Variants in CTSB observed in about 807,000 individuals in gnomAD.
CTSB encodes the protein cathepsin B.
CTSB carries 57 observed loss-of-function variants against 44.3 expected under a neutral mutation model. The ratio of observed to expected loss-of-function variants is 1.29; its 90% confidence interval spans 1.04 to 1.60. The LOEUF is 1.60. Among genes scored for constraint, CTSB ranks in the 40% most tolerant of loss-of-function variants. CTSB has a pLI of 0.00. For synonymous variants in CTSB, 320 were observed against 168.0 expected (o/e 1.91, Z -7.00); for missense variants, 768 against 443.0 (o/e 1.73, Z -6.59).
At chr8:11,846,352 T>C (rs1813338183) in intron 8 of CTSB, 1 of 152,396 alleles carries the variant, frequency 6.6e-6, no homozygotes, top group Non-Finnish European at 1.5e-5. Context: ...GCGAGGACTA[T>C]GCTAAGAAGT....
chr8:11,852,450 A>G (rs1563406170), intron 3 of CTSB, among the ~76,000 whole-genome samples, 160 bp downstream of exon 3: 1 of 152,202 alleles, frequency 6.6e-6, no homozygotes, highest in Non-Finnish European at 1.5e-5. Context: ...AAGTAATATA[A>G]AAATGAAAAG....
At chr8:11,846,430 T>G (rs537292070) in intron 8 of CTSB, 3 of 152,486 alleles carry the variant, frequency 2.0e-5, no homozygotes, top group African/African-American at 4.8e-5. Context: ...TTTACAAGTT[T>G]CCAATCTAGC....
chr8:11,848,601 G>A (rs570260775), intron 5 of CTSB: 21 of 327,458 alleles, frequency 6.4e-5, no homozygotes, highest in Non-Finnish European at 9.0e-5. Context: ...ATCTGCAGCC[G>A]CCAGTGAACA....
In CTSB at chr8:11,850,789, C is replaced by A. The variant is rs1563400767; in HGVS notation, c.327+77G>T. 8 of 1,025,458 alleles carry A rather than the reference C, an allele frequency of 7.8e-6. 1 individual carries two copies. The highest frequency in any genetic ancestry group is 2.9e-6 in the Non-Finnish European group (2 of 686,712). 63.5% of individuals were successfully genotyped at this position (1,025,458 alleles called of 1,614,324 possible). A position where few individuals can be genotyped will look rare whatever the true frequency, so the allele number is the denominator to read the frequency against. ...ACTTGCCTTGTCAGAGTTGTCCCCA[C>A]CCCGAATCCCCCAAGACTCTCCAGT... On this transcript the variant is annotated intron_variant, in intron 4 of 9. Coordinates refer to ENST00000353047, the MANE Select transcript of CTSB (RefSeq NM_001908.5).
chr8:11,850,917 C>G lies in CTSB; in HGVS notation c.276G>C (p.Gln92His), dbSNP rs143892476. 10 of 1,613,640 alleles carry G rather than the reference C, an allele frequency of 6.2e-6. No individual in the cohort carries two copies. Among genetic ancestry groups the G allele is most frequent in the Non-Finnish European group, 8.5e-6 (10 of 1,179,672 alleles). Residue 92 changes from glutamine to histidine, a missense_variant, in exon 4 of 10, where the codon CAG (glutamine) becomes CAC (histidine). Physicochemically the swap from Gln to His is conservative, Grantham distance 24. Transcript: ENST00000353047. ...ASFDAREQWPQCPTIKEIRDQ... is the reference protein window; with the variant it reads ...ASFDAREQWPHCPTIKEIRDQ... Reference sequence around the variant, plus strand: ...CTCTGATCTCTTTGATGGTGGGACACTGTGGCCATTGTTCCCGTGCATCGA... The same window carrying G: ...CTCTGATCTCTTTGATGGTGGGACAGTGTGGCCATTGTTCCCGTGCATCGA...
intron 4 of CTSB, 148 bp from the exon 5 acceptor site, chr8:11,849,312 C>A: frequency 1.8e-6 from 1 of 553,310 alleles, no homozygotes; most frequent in Non-Finnish European, 3.3e-6. Context: ...TCAAACTCAG[C>A]TTTTATTTTC....
intron 8 of CTSB, among the ~76,000 whole-genome samples, chr8:11,846,603 G>A (rs548601218): frequency 6.6e-6 from 1 of 152,192 alleles, no homozygotes; most frequent in African/African-American, 2.4e-5. Flanking sequence ...ACTGGTGTGA[G>A]GCACGATCTA....
intron 1 of CTSB, among the ~76,000 whole-genome samples, chr8:11,855,784 G>A (rs539661375): frequency 2.0e-4 from 30 of 152,256 alleles, no homozygotes; most frequent in Admixed American, 4.6e-4. Context: ...TTGGGAGGCT[G>A]AGGCAGGTGG....
At chr8:11,853,221 G>A (rs1814918213) in intron 2 of CTSB, 108 bp downstream of exon 2, 1 of 1,483,924 alleles carries the variant, frequency 6.7e-7, no homozygotes, top group Non-Finnish European at 9.2e-7. Context: ...CAACAGTCCA[G>A]GACAATGTTC....
chr8:11,861,821 C>G (rs923714738), intron 1 of CTSB, among the ~76,000 whole-genome samples: 4 of 152,190 alleles, frequency 2.6e-5, no homozygotes, highest in African/African-American at 2.4e-5. Context: ...TGTTCTGCCT[C>G]TCCAGCTTGC....
chr8:11,845,199 G>C lies in CTSB; in HGVS notation c.946C>G (p.Gln316Glu). Residue 316 changes from glutamine (Q) to glutamate (E), a missense_variant, in exon 10 of 10, where the codon CAG becomes GAG. Gln to Glu is a conservative substitution (Grantham distance 29, BLOSUM62 2). Coordinates refer to ENST00000353047, the MANE Select transcript of CTSB (RefSeq NM_001908.5). The part of the protein sequence containing the change: ...DNGFFKILRG[Q>E]DHCGIESEVV... ...TCTGATTCGATTCCACAGTGATCCT[G>C]TCCTCTGAGTATTTTAAAGAAGCCT... is the stretch of plus-strand genomic sequence containing the variant. 1 of 1,613,544 alleles carries C rather than the reference G, an allele frequency of 6.2e-7. No homozygotes were observed. Among genetic ancestry groups the C allele is most frequent in the Non-Finnish European group, 8.5e-7 (1 of 1,179,474 alleles).
chr8:11,849,738 G>A (rs1814203589), intron 4 of CTSB, among the ~76,000 whole-genome samples: 4 of 151,978 alleles, frequency 2.6e-5, no homozygotes, highest in East Asian at 1.9e-4. Context: ...CTGCCACCAG[G>A]CCCAGCTAAG....
rs1466119185 is a variant in CTSB at position 11,845,186 on chromosome 8, C to A, written c.959G>T (p.Gly320Val). ...FKILRGQDHC[G>V]IESEVVAGIP... is the part of the protein sequence containing the mutation. ...TCCAGCCACCACTTCTGATTCGATT[C>A]CACAGTGATCCTGTCCTCTGAGTAT... The change falls in exon 10 of 10, where the codon GGA (glycine) becomes GTA (valine). Residue 320 changes from glycine to valine, a missense_variant. Coordinates refer to ENST00000353047, the MANE Select transcript of CTSB (RefSeq NM_001908.5). The A allele has an allele frequency of 4.3e-6, 7 of 1,613,806 alleles. No homozygotes were observed. Among genetic ancestry groups the A allele is most frequent in the Non-Finnish European group, 5.9e-6 (7 of 1,179,808 alleles).
Position 11,847,029 on chromosome 8 carries a change from TGCCATCA to T in CTSB, c.793+16_793+22del, listed in dbSNP as rs750223349. ...TCCCCTCCCGACCCCCACCCTCTAT[TGCCATCA>T]GCCATCAGCACGCACCTGACTTGTA... On this transcript the variant is annotated intron_variant, in intron 8 of 9. Coordinates refer to ENST00000353047, the MANE Select transcript of CTSB (RefSeq NM_001908.5). The T allele has an allele frequency of 1.7e-5, 22 of 1,283,588 alleles. No homozygotes were observed. Among genetic ancestry groups the T allele is most frequent in the African/African-American group, 4.4e-5 (3 of 67,940 alleles). 79.5% of individuals were successfully genotyped at this position (1,283,588 alleles called of 1,614,324 possible).
At position 11,843,711 on chromosome 8, in the gene CTSB, T is replaced by G. The variant is rs777764590; in HGVS notation, c.*1414A>C. 6.6e-6 allele frequency: 1 copy of G among 152,254 alleles called. No homozygotes were observed. Among genetic ancestry groups the G allele is most frequent in the Non-Finnish European group, 1.5e-5 (1 of 68,058 alleles). 9.4% of individuals were successfully genotyped at this position (152,254 alleles called of 1,614,324 possible). A position where few individuals can be genotyped will look rare whatever the true frequency, so the allele number is the denominator to read the frequency against. ...CAAGCCTGTTTTATGAGCTGAATCC[T>G]CAGCTTGTTGCTGGATTTGTGGCTG... On this transcript the variant is annotated 3_prime_UTR_variant, in exon 10 of 10. Coordinates refer to ENST00000353047, the MANE Select transcript of CTSB (RefSeq NM_001908.5).
At position 11,853,360 on chromosome 8, in the gene CTSB, T is replaced by C; in HGVS notation, c.95A>G (p.Asn32Ser). The C allele has an allele frequency of 6.2e-7, 1 of 1,613,386 alleles. No individual in the cohort carries two copies. Among genetic ancestry groups the C allele is most frequent in the Non-Finnish European group, 8.5e-7 (1 of 1,179,896 alleles). The change falls in exon 2 of 10, where the codon AAC becomes AGC. Residue 32 changes from asparagine to serine, a missense_variant. Physicochemically the swap from Asn to Ser is conservative, Grantham distance 46. Coordinates refer to ENST00000353047, the MANE Select transcript of CTSB (RefSeq NM_001908.5). ...SFHPLSDELVNYVNKRNTTWQ... is the reference protein window; with the variant it reads ...SFHPLSDELVSYVNKRNTTWQ... ...CGTGGTATTCCGTTTGTTGACATAG[T>C]TGACCAGCTCATCCGACAGGGGATG...
Position 11,860,474 on chromosome 8 carries a change from T to C in CTSB, c.-25-6995A>G, listed in dbSNP as rs539320490. Among the ~76,000 whole-genome samples, 53 of 152,042 alleles carry C rather than the reference T, an allele frequency of 3.5e-4. 1 individual carries two copies. The highest frequency in any genetic ancestry group is 1.3e-3 in the African/African-American group (52 of 41,484). On this transcript the variant is annotated intron_variant, in intron 1 of 9. Transcript: ENST00000353047. ...CCATTTCTACTAAAAATACAAAAAA[T>C]TAGCCAGGCGTGGTGGTTGTGCACC...
chr8:11,845,248 T>C, intron 9 of CTSB, 26 bp from the exon 10 acceptor site: 1 of 1,558,574 alleles, frequency 6.4e-7, no homozygotes, highest in Non-Finnish European at 8.8e-7. Context: ...AAGGTGCTTT[T>C]AAAGTGTGAC....
intron 5 of CTSB, 128 bp from the exon 6 acceptor site, chr8:11,848,280 G>T (rs757814033): frequency 1.0e-5 from 8 of 779,046 alleles, no homozygotes; most frequent in Non-Finnish European, 4.5e-6. Flanking sequence ...GGTGCGAGCA[G>T]ACCTCCCAGA....
Sources: allele counts gnomAD v4.1 joint callset (sites outside exome capture counted in the v4.1 genomes callset), GRCh38; gene constraint gnomAD v4.1.1; transcripts MANE v1.5; gene names NCBI Gene and HGNC (gene_info 2026-07-23, HGNC 2026-07-21).